The following PDE8A variants were observed in gnomAD, a reference collection of about 807,000 sequenced individuals.
The protein encoded by PDE8A is high affinity cAMP-specific and IBMX-insensitive 3',5'-cyclic phosphodiesterase 8A.
In PDE8A, 59 loss-of-function variants were observed where a neutral mutation model predicts 105.0. The ratio of observed to expected loss-of-function variants is 0.56; its 90% CI spans 0.46 to 0.70. The LOEUF (loss-of-function observed/expected upper bound fraction) is 0.70, where lower values mean the gene tolerates loss of function less well. Ranked by LOEUF, PDE8A falls within the 30% of genes least tolerant of loss-of-function variation. PDE8A has a pLI of 0.00. For synonymous variants in PDE8A, 355 were observed against 371.9 expected (o/e 0.95, Z 0.52); for missense variants, 1,014 against 1,045.9 (o/e 0.97, Z 0.42).
At chr15:85,087,647 A>T (rs1311355577) in intron 6 of PDE8A, among the ~76,000 whole-genome samples, 1 of 152,194 alleles carries the variant, frequency 6.6e-6, no homozygotes, top group South Asian at 2.1e-4. Context: ...GAAGCAACCT[A>T]AATGTCTAGT....
intron 6 of PDE8A, among the ~76,000 whole-genome samples, chr15:85,087,307 G>A (rs779170781): frequency 6.6e-6 from 1 of 152,064 alleles, no homozygotes; most frequent in African/African-American, 2.4e-5. Flanking sequence ...GGCTCAAGCA[G>A]TCCTCCCACC....
intron 1 of PDE8A, among the ~76,000 whole-genome samples, chr15:85,041,763 C>G (rs963457137): frequency 6.6e-6 from 1 of 152,176 alleles, no homozygotes; most frequent in Non-Finnish European, 1.5e-5. Context: ...GCTGTTGCTG[C>G]TATTTGCAAT....
chr15:85,057,345 A>G (rs1340645948), intron 1 of PDE8A, among the ~76,000 whole-genome samples: 1 of 152,174 alleles, frequency 6.6e-6, no homozygotes, highest in Non-Finnish European at 1.5e-5. Flanking sequence ...GCTGTCAGAC[A>G]GGGACGTTTA....
chr15:84,995,141 T>C (rs1265129562), intron 1 of PDE8A, among the ~76,000 whole-genome samples: 1 of 152,188 alleles, frequency 6.6e-6, no homozygotes, highest in African/African-American at 2.4e-5. Flanking sequence ...CGCATACATA[T>C]ATCTGCGTAA....
chr15:85,021,440 TG>T (rs1253598816), intron 1 of PDE8A, among the ~76,000 whole-genome samples: 1 of 151,742 alleles, frequency 6.6e-6, no homozygotes, highest in Non-Finnish European at 1.5e-5. Flanking sequence ...CTACTGGGGT[TG>T]GGGGTGGTGG....
chr15:85,095,378 C>G (rs1458644417), intron 8 of PDE8A, among the ~76,000 whole-genome samples: 1 of 152,118 alleles, frequency 6.6e-6, no homozygotes, highest in East Asian at 1.9e-4. Context: ...GAGTCTCACT[C>G]TGTTGCCCAG....
intron 1 of PDE8A, among the ~76,000 whole-genome samples, chr15:85,014,791 A>G (rs1418789336): frequency 6.6e-6 from 1 of 152,188 alleles, no homozygotes; most frequent in Non-Finnish European, 1.5e-5. Context: ...TATAATTCAT[A>G]TACTCGCCCT....
At chr15:85,064,122 A>G in intron 1 of PDE8A, 1 of 425,712 alleles carries the variant, frequency 2.3e-6, no homozygotes, top group Non-Finnish European at 4.2e-6. Flanking sequence ...AGCTAGTAAA[A>G]GGCAAAGCCA....
rs538976610 is a variant in PDE8A at position 85,064,373 on chromosome 15, G to A, written c.190G>A (p.Ala64Thr). Reference sequence around the variant, plus strand: ...TAAGCCAATCTCTTTCTTACAGGTAGCAGTAGCTGATGTGCAGTTTGGCCC... The same window carrying A: ...TAAGCCAATCTCTTTCTTACAGGTAACAGTAGCTGATGTGCAGTTTGGCCC... ...ELRDGSGKKVAVADVQFGPMR... is the reference protein window; with the variant it reads ...ELRDGSGKKVTVADVQFGPMR... Residue 64 changes from alanine to threonine, a missense_variant, in exon 2 of 22, where the codon GCA (alanine) becomes ACA (threonine). Coordinates refer to ENST00000394553, the MANE Select transcript of PDE8A (RefSeq NM_002605.3). 6.9e-6 allele frequency: 11 copies of A among 1,604,676 alleles called. No individual in the cohort carries two copies. In the South Asian group the frequency reaches 9.9e-5, roughly 14 times the overall value.
intron 19 of PDE8A, among the ~76,000 whole-genome samples, chr15:85,124,618 A>G (rs2082231758): frequency 2.0e-5 from 3 of 152,046 alleles, no homozygotes; most frequent in Admixed American, 2.0e-4. Context: ...CATGACACTT[A>G]CTTTGGTTTA....
At chr15:84,986,455 CCTT>C (rs1460421728) in intron 1 of PDE8A, among the ~76,000 whole-genome samples, 2 of 152,072 alleles carry the variant, frequency 1.3e-5, no homozygotes, top group Non-Finnish European at 2.9e-5. Context: ...CCATCTTCCT[CCTT>C]GCTTTTTTCT....
Position 85,126,355 on chromosome 15 carries a change from C to A in PDE8A, c.2234C>A (p.Ser745Ter). 1 of 1,581,192 alleles carries A rather than the reference C, an allele frequency of 6.3e-7. No individual in the cohort carries two copies. The highest frequency in any genetic ancestry group is 8.6e-7 in the Non-Finnish European group (1 of 1,161,624). ...TGCATCGAGTGGGCTGCACGCATTT[C>A]GGAAGAATATTTTTCTCAGGTAAGT... ...QYCIEWAARI[S>*]EEYFSQTDEE... The change falls in exon 20 of 22, where the codon TCG (serine) becomes TAG (stop). Residue 745 changes from serine (S) to a stop codon, truncating the protein, a stop_gained. Transcript: ENST00000394553. LOFTEE classifies it high-confidence loss of function.
At chr15:85,006,557 A>G (rs1014607927) in intron 1 of PDE8A, among the ~76,000 whole-genome samples, 7 of 152,190 alleles carry the variant, frequency 4.6e-5, no homozygotes, top group East Asian at 1.9e-4. Flanking sequence ...GTCTTTGTCC[A>G]TATGTTTATC....
At chr15:85,025,907 A>G (rs1008512470) in intron 1 of PDE8A, among the ~76,000 whole-genome samples, 11 of 152,144 alleles carry the variant, frequency 7.2e-5, no homozygotes, top group African/African-American at 2.7e-4. Context: ...GACCATATAT[A>G]TGGGGCAAAA....
chr15:85,053,201 C>G (rs1319686458), intron 1 of PDE8A, among the ~76,000 whole-genome samples: 2 of 152,114 alleles, frequency 1.3e-5, no homozygotes, highest in Non-Finnish European at 2.9e-5. Context: ...GGTACCAGTA[C>G]CATGCTGTTT....
At chr15:85,036,420 C>T (rs144429848) in intron 1 of PDE8A, among the ~76,000 whole-genome samples, 154 of 152,324 alleles carry the variant, frequency 1.0e-3, no homozygotes, top group Non-Finnish European at 1.8e-3. Context: ...AGAGTACATA[C>T]GCCAGGAAGC....
chr15:85,097,956 A>T lies in PDE8A; in HGVS notation c.861A>T (p.Gln287His), dbSNP rs2081786414. Residue 287 changes from glutamine to histidine, a missense_variant, in exon 9 of 22, where the codon CAA becomes CAT. Physicochemically the swap from Gln to His is conservative, Grantham distance 24. Transcript: ENST00000394553. ...NSCIRIGKEW[Q>H]GIYYAKKKNG... is the part of the protein sequence containing the mutation. Reference sequence around the variant, plus strand: ...TTACATTCCATTTATAGGAGTGGCAAGGAATTTACTATGCCAAAAAGAAAA... The same window carrying T: ...TTACATTCCATTTATAGGAGTGGCATGGAATTTACTATGCCAAAAAGAAAA... The T allele has an allele frequency of 6.4e-7, 1 of 1,559,320 alleles. No individual in the cohort carries two copies. Among genetic ancestry groups the T allele is most frequent in the African/African-American group, 1.4e-5 (1 of 73,866 alleles).
intron 3 of PDE8A, among the ~76,000 whole-genome samples, chr15:85,075,070 A>T (rs79039559): frequency 6.6e-6 from 1 of 152,190 alleles, no homozygotes; most frequent in Non-Finnish European, 1.5e-5. Flanking sequence ...GATGAGTTCA[A>T]AGCTGTTGCA....
At chr15:85,035,027 C>A (rs544416418) in intron 1 of PDE8A, among the ~76,000 whole-genome samples, 3 of 152,196 alleles carry the variant, frequency 2.0e-5, no homozygotes, top group Non-Finnish European at 4.4e-5. Context: ...AAACAATGGA[C>A]AGATACCTGA....
Sources: gnomAD v4.1 joint callset for allele counts (sites outside exome capture counted in the v4.1 genomes callset) on GRCh38, gnomAD v4.1.1 for gene constraint, MANE v1.5 for transcripts, NCBI Gene and HGNC (gene_info 2026-07-23, HGNC 2026-07-21) for gene names.